The following PREP variants were observed in gnomAD, a reference collection of about 807,000 sequenced individuals.
The protein encoded by PREP is prolyl endopeptidase.
In PREP, 29 loss-of-function variants were observed where a neutral mutation model predicts 87.6. The observed-to-expected ratio is 0.33, with a 90% CI of 0.25 to 0.45. The LOEUF is 0.45. PREP is among the 20% of genes least tolerant of loss of function. PREP has a pLI of 1.00. For missense variants in PREP, 695 were observed against 886.5 expected (o/e 0.78, Z 2.74); for synonymous variants, 337 against 328.6 (o/e 1.03, Z -0.28).
chr6:105,329,022 C>A lies in PREP; in HGVS notation c.1020G>T (p.Trp340Cys). 6.2e-7 allele frequency: 1 copy of A among 1,612,866 alleles called. No homozygotes were observed. ...VPEHEKDVLE[W>C]IACVRSNFLV... ...AGAAGTTGGACCTGACACAAGCTAT[C>A]CATTCTGAAAGGATAAGAAGAGAAA... Residue 340 changes from tryptophan (W) to cysteine (C), a missense_variant, in exon 9 of 15, where the codon TGG becomes TGT. Physicochemically the swap from Trp to Cys is radical, Grantham distance 215. Around this residue, in one of 5 missense-constraint regions of PREP, gnomAD observed 517 missense variants for 620.3 expected, o/e 0.83. Transcript: ENST00000652536.
chr6:105,325,645 T>C, intron 9 of PREP, among the ~76,000 whole-genome samples: 1 of 152,180 alleles, frequency 6.6e-6, no homozygotes, highest in Admixed American at 6.6e-5. Context: ...TATCGATACT[T>C]TCTGTTTATA....
intron 6 of PREP, among the ~76,000 whole-genome samples, chr6:105,366,126 A>T (rs1772375911): frequency 6.6e-6 from 1 of 152,124 alleles, no homozygotes; most frequent in Admixed American, 6.5e-5. Flanking sequence ...GTGGTGGTCC[A>T]TGCCTGTGTA....
At chr6:105,288,023 C>CTT (rs1770221711) in intron 11 of PREP, among the ~76,000 whole-genome samples, 1 of 152,110 alleles carries the variant, frequency 6.6e-6, no homozygotes, top group South Asian at 2.1e-4. Context: ...TATGGCTGAA[C>CTT]GTTAAGACAG....
At chr6:105,380,410 G>A (rs542628493) in intron 2 of PREP, among the ~76,000 whole-genome samples, 4 of 152,306 alleles carry the variant, frequency 2.6e-5, no homozygotes, top group African/African-American at 4.8e-5. Flanking sequence ...ATCTCTCATC[G>A]AAGTGCAAAT....
chr6:105,374,265 CT>C (rs1772629650), intron 4 of PREP, among the ~76,000 whole-genome samples: 1 of 152,206 alleles, frequency 6.6e-6, no homozygotes, highest in African/African-American at 2.4e-5. Flanking sequence ...GTTCTAATCA[CT>C]ATGGAATGTT....
intron 6 of PREP, among the ~76,000 whole-genome samples, chr6:105,363,400 G>GT (rs1210919983): frequency 1.3e-5 from 2 of 152,048 alleles, no homozygotes; most frequent in African/African-American, 4.8e-5. Context: ...GGGTTTTTGG[G>GT]TTTTTTTGGT....
At chr6:105,343,258 C>G (rs142820091) in intron 7 of PREP, among the ~76,000 whole-genome samples, 8,849 of 152,066 alleles carry the variant, frequency 0.058, 322 homozygotes, top group South Asian at 0.14. Context: ...ACAAACCTGA[C>G]AAAAACAAGA....
At chr6:105,340,672 G>A (rs1264561063) in intron 7 of PREP, among the ~76,000 whole-genome samples, 1 of 152,160 alleles carries the variant, frequency 6.6e-6, no homozygotes, top group Non-Finnish European at 1.5e-5. Flanking sequence ...ACACATATAT[G>A]CTGAAAATAA....
intron 14 of PREP, among the ~76,000 whole-genome samples, chr6:105,280,153 G>A (rs940198280): frequency 6.6e-6 from 1 of 152,126 alleles, no homozygotes; most frequent in Non-Finnish European, 1.5e-5. Context: ...AAACTTGGCC[G>A]TGTGCGGTGG....
At chr6:105,338,182 G>A (rs1300714174) in intron 7 of PREP, among the ~76,000 whole-genome samples, 4 of 152,192 alleles carry the variant, frequency 2.6e-5, no homozygotes, top group African/African-American at 7.2e-5. Flanking sequence ...TTCCTTAAAT[G>A]TTCCCCCAAC....
At chr6:105,355,981 T>A (rs1475430580) in intron 6 of PREP, among the ~76,000 whole-genome samples, 1 of 152,226 alleles carries the variant, frequency 6.6e-6, no homozygotes, top group Non-Finnish European at 1.5e-5. Context: ...AAAAAGTATT[T>A]TTTTATGATA....
chr6:105,366,181 C>T (rs948143250), intron 6 of PREP, among the ~76,000 whole-genome samples: 4 of 152,222 alleles, frequency 2.6e-5, no homozygotes, highest in South Asian at 2.1e-4. Flanking sequence ...CGCTTGAACC[C>T]GGGAGGTGGA....
At chr6:105,314,594 T>C (rs1770823133) in intron 10 of PREP, among the ~76,000 whole-genome samples, 1 of 152,204 alleles carries the variant, frequency 6.6e-6, no homozygotes, top group African/African-American at 2.4e-5. Context: ...AATTTGGTCA[T>C]TAGATTGCAG....
intron 10 of PREP, among the ~76,000 whole-genome samples, chr6:105,314,095 G>A (rs2114636928): frequency 6.6e-6 from 1 of 152,234 alleles, no homozygotes; most frequent in African/African-American, 2.4e-5. Context: ...TTACACTAGT[G>A]TACAAAGCAA....
chr6:105,369,600 A>T (rs1236712081), intron 5 of PREP, among the ~76,000 whole-genome samples: 3 of 152,224 alleles, frequency 2.0e-5, no homozygotes, highest in Admixed American at 6.5e-5. Flanking sequence ...TTAGCAAAAC[A>T]ACAGACAAAT....
At chr6:105,283,872 C>G (rs78622027) in intron 12 of PREP, among the ~76,000 whole-genome samples, 4,967 of 152,194 alleles carry the variant, frequency 0.033, 158 homozygotes, top group East Asian at 0.11. Flanking sequence ...CAGACTAGGA[C>G]CAAATTACTC....
chr6:105,355,092 GT>G (rs1213054816), intron 6 of PREP, among the ~76,000 whole-genome samples: 82 of 135,588 alleles, frequency 6.0e-4, no homozygotes, highest in East Asian at 1.9e-3. Flanking sequence ...TCGGGTTGTA[GT>G]TTTTTTTTTT....
chr6:105,299,722 C>G (rs1770491559), intron 10 of PREP, among the ~76,000 whole-genome samples: 1 of 152,158 alleles, frequency 6.6e-6, no homozygotes, highest in Admixed American at 6.5e-5. Context: ...CAAGTTATTA[C>G]TTCCTTGTAA....
chr6:105,289,940 A>G (rs1770260575), intron 10 of PREP, among the ~76,000 whole-genome samples: 1 of 150,964 alleles, frequency 6.6e-6, no homozygotes, highest in East Asian at 2.0e-4. Flanking sequence ...AGAAATAACC[A>G]TGGTGGGGGA....
Sources: allele counts gnomAD v4.1 joint callset (sites outside exome capture counted in the v4.1 genomes callset), GRCh38; gene constraint gnomAD v4.1.1; regional missense constraint gnomAD v4.1.1; transcripts MANE v1.5; gene names NCBI Gene and HGNC (gene_info 2026-07-23, HGNC 2026-07-21).